Variants in WDFY4 observed in about 807,000 individuals in gnomAD.
The protein encoded by WDFY4 is WDFY family member 4.
A neutral mutation model predicts 351.9 loss-of-function variants in WDFY4; 169 were observed. The observed-to-expected ratio is 0.48, with a 90% CI of 0.42 to 0.55. The LOEUF is 0.55. Among genes scored for constraint, WDFY4 ranks in the 20% least tolerant of loss-of-function variants. WDFY4 has a pLI of 0.00. For synonymous variants in WDFY4, 1,622 were observed against 1,574.6 expected, an observed-to-expected ratio of 1.03 and a Z score of -0.71; for missense variants, 3,803 against 3,935.6, an observed-to-expected ratio of 0.97 and a Z score of 0.90.
chr10:48,883,093 G>A (rs2070318246), intron 43 of WDFY4, among the ~76,000 whole-genome samples: 1 of 152,210 alleles, frequency 6.6e-6, no homozygotes, highest in Admixed American at 6.5e-5. Context: ...ATTGGGCTTG[G>A]AGTTGTGGCT....
rs768416100 is a variant in WDFY4, at chr10:48,735,903, G to C, written c.1711G>C (p.Val571Leu). The C allele has an allele frequency of 3.9e-6, 6 of 1,551,534 alleles. No homozygotes were observed. Among genetic ancestry groups the C allele is most frequent in the African/African-American group, 1.4e-5 (1 of 73,038 alleles). The change falls in exon 11 of 62, where the codon GTG (valine) becomes CTG (leucine). Residue 571 changes from valine (V) to leucine (L), a missense_variant. Physicochemically the swap from Val to Leu is conservative, Grantham distance 32. This residue lies in a region of WDFY4 where 261 missense variants were observed against 330.2 expected (regional missense o/e 0.79). Coordinates refer to ENST00000325239, the MANE Select transcript of WDFY4 (RefSeq NM_001394531.1). ...AGTTGTCCTGAAGGACCACGGCATG[G>C]TGCCCTTCATCAAGATCTTCCTGGA... ...NAVVLKDHGM[V>L]PFIKIFLDDE...
intron 57 of WDFY4, among the ~76,000 whole-genome samples, chr10:48,970,738 G>C (rs1228457148): frequency 6.6e-6 from 1 of 152,182 alleles, no homozygotes; most frequent in African/African-American, 2.4e-5. Flanking sequence ...TGTAAAATAG[G>C]TGCCATGATC....
intron 2 of WDFY4, among the ~76,000 whole-genome samples, chr10:48,715,887 G>T (rs1397501352): frequency 1.3e-5 from 2 of 150,016 alleles, no homozygotes; most frequent in African/African-American, 4.9e-5. Flanking sequence ...CTGACCTTGT[G>T]ATCCACCTGC....
chr10:48,847,734 C>T (rs1381495568), intron 39 of WDFY4, among the ~76,000 whole-genome samples: 1 of 152,090 alleles, frequency 6.6e-6, no homozygotes, highest in Non-Finnish European at 1.5e-5. Flanking sequence ...ATGGTGCCTG[C>T]AATTTTAAAG....
chr10:48,901,919 C>T (rs1837374752), intron 47 of WDFY4, 56 bp downstream of exon 47: 2 of 1,462,596 alleles, frequency 1.4e-6, no homozygotes, highest in East Asian at 4.9e-5. Flanking sequence ...TTTGATGTTC[C>T]TCCTCTGCCT....
At chr10:48,790,067 G>A in intron 22 of WDFY4, 82 bp downstream of exon 22, 1 of 1,373,258 alleles carries the variant, frequency 7.3e-7, no homozygotes, top group Non-Finnish European at 1.0e-6. Context: ...GAGTTCTGGA[G>A]TGGTGGACAG....
At chr10:48,792,660 G>A (rs1408363679) in intron 23 of WDFY4, among the ~76,000 whole-genome samples, 7 of 152,138 alleles carry the variant, frequency 4.6e-5, no homozygotes, top group Non-Finnish European at 8.8e-5. Context: ...ATCATTTCCT[G>A]CCCTCATGAG....
At chr10:48,839,049 A>C (rs2068507018) in intron 39 of WDFY4, among the ~76,000 whole-genome samples, 1 of 152,198 alleles carries the variant, frequency 6.6e-6, no homozygotes, top group South Asian at 2.1e-4. Context: ...TTTCTAGTTA[A>C]ACGCTTGGGC....
At chr10:48,978,440 T>A in intron 60 of WDFY4, 47 bp downstream of exon 60, 1 of 1,496,732 alleles carries the variant, frequency 6.7e-7, no homozygotes. Context: ...TGCCCTGCCC[T>A]CCTCACCTCC....
intron 47 of WDFY4, among the ~76,000 whole-genome samples, chr10:48,918,691 G>A (rs949368818): frequency 1.3e-5 from 2 of 152,158 alleles, no homozygotes; most frequent in African/African-American, 2.4e-5. Flanking sequence ...CAAGGAAAAG[G>A]GTTTCTCAAC....
At chr10:48,820,467 G>A in intron 33 of WDFY4, 30 bp downstream of exon 33, 1 of 1,544,094 alleles carries the variant, frequency 6.5e-7, no homozygotes, top group Non-Finnish European at 8.8e-7. Flanking sequence ...ATTGGGCCAT[G>A]TGCTGTGGAG....
chr10:48,945,054 AG>A (rs1046307165), intron 49 of WDFY4, among the ~76,000 whole-genome samples: 1 of 151,986 alleles, frequency 6.6e-6, no homozygotes, highest in African/African-American at 2.4e-5. Flanking sequence ...CCCCCAGTGG[AG>A]CTTTGAGGAT....
Position 48,805,241 on chromosome 10 carries a change from T to C in WDFY4, c.4485-19T>C. ...CATTCCAGTAAAAGCTTTTACTGTC[T>C]CTCTCCTGTACTCACCAGGGAAGGA... is the stretch of plus-strand genomic sequence containing the variant. On this transcript the variant is annotated intron_variant, in intron 25 of 61. Transcript: ENST00000325239. 1 of 1,533,738 alleles carries C rather than the reference T, an allele frequency of 6.5e-7. No homozygotes were observed. Among genetic ancestry groups the C allele is most frequent in the Non-Finnish European group, 8.7e-7 (1 of 1,143,622 alleles).
At chr10:48,955,869 C>T (rs1841565833) in intron 51 of WDFY4, among the ~76,000 whole-genome samples, 1 of 152,200 alleles carries the variant, frequency 6.6e-6, no homozygotes, top group African/African-American at 2.4e-5. Context: ...TGCTGTGGCC[C>T]TGCCCCTTGT....
chr10:48,851,235 G>A (rs914045344), intron 39 of WDFY4, among the ~76,000 whole-genome samples: 5 of 152,206 alleles, frequency 3.3e-5, no homozygotes, highest in African/African-American at 4.8e-5. Flanking sequence ...AAGACTGGGG[G>A]CAGCCGTTGG....
chr10:48,790,050 C>A, intron 22 of WDFY4, 65 bp downstream of exon 22: 5 of 1,479,080 alleles, frequency 3.4e-6, no homozygotes, highest in Non-Finnish European at 3.7e-6. Flanking sequence ...ATGGCTTGTG[C>A]ACCCTGGAGT....
Position 48,780,116 on chromosome 10 carries a change from C to T in WDFY4, c.3573C>T (p.Ala1191=). ...TGGATGGACAGGTCATTGGCTCTGC[C>T]AAGGTGAGATGGCTCCTCCAAGCTG... The part of the protein sequence containing the change: ...TCLDGQVIGS[A]KMLYIQALPG... Residue 1191 remains alanine (A), a synonymous_variant, in exon 19 of 62, where the codon GCC becomes GCT. Transcript: ENST00000325239. 2 of 1,551,898 alleles carry T rather than the reference C, an allele frequency of 1.3e-6. No homozygotes were observed. The highest frequency in any genetic ancestry group is 8.7e-7 in the Non-Finnish European group (1 of 1,146,982).
chr10:48,898,400 A>T (rs892292549), intron 45 of WDFY4, among the ~76,000 whole-genome samples: 3 of 152,046 alleles, frequency 2.0e-5, no homozygotes, highest in African/African-American at 4.8e-5. Flanking sequence ...AGGGGATCCT[A>T]GGGACCACGT....
intron 1 of WDFY4, among the ~76,000 whole-genome samples, chr10:48,709,087 G>C: frequency 6.6e-6 from 1 of 151,782 alleles, no homozygotes; most frequent in Non-Finnish European, 1.5e-5. Context: ...CTTTGGCCCA[G>C]TTTCCTTACT....
Sources: gnomAD v4.1 joint callset for allele counts (sites outside exome capture counted in the v4.1 genomes callset) on GRCh38, gnomAD v4.1.1 for gene constraint, gnomAD v4.1.1 regional missense constraint, MANE v1.5 for transcripts, NCBI Gene and HGNC (gene_info 2026-07-23, HGNC 2026-07-21) for gene names.